ABCC12: variants seen among roughly 807,000 people sequenced by gnomAD.
ABCC12 encodes the protein ATP-binding cassette sub-family C member 12.
ABCC12 carries 142 observed loss-of-function variants against 151.1 expected under a neutral mutation model. The observed-to-expected ratio is 0.94, with a 90% CI of 0.82 to 1.08. ABCC12 has a LOEUF of 1.08. ABCC12 is among the 50% of genes least tolerant of loss of function. The pLI, the probability that ABCC12 is intolerant of heterozygous loss-of-function variation, is 0.00. For missense variants in ABCC12, 1,638 were observed against 1,691.1 expected (o/e 0.97, Z 0.55); for synonymous variants, 645 against 646.4 (o/e 1.00, Z 0.03).
chr16:48,085,501 T>C, intron 29 of ABCC12, 92 bp downstream of exon 29: 1 of 1,078,220 alleles, frequency 9.3e-7, no homozygotes. Flanking sequence ...GTCTCTTTGC[T>C]GAAAGACATA....
intron 23 of ABCC12, among the ~76,000 whole-genome samples, chr16:48,098,344 C>A (rs1420758021): frequency 6.6e-6 from 1 of 152,080 alleles, no homozygotes; most frequent in Non-Finnish European, 1.5e-5. Flanking sequence ...AAAACCCTTC[C>A]ACGCTTAAAG....
Position 48,141,367 on chromosome 16 carries a change from A to G in ABCC12, c.276-14T>C, listed in dbSNP as rs1253186209. On this transcript the variant is annotated splice_polypyrimidine_tract_variant and intron_variant, in intron 4 of 30. Coordinates refer to ENST00000311303, the MANE Select transcript of ABCC12 (RefSeq NM_001393797.1). The stretch of plus-strand genomic sequence containing the variant: ...AGGACTCGAAATCTGTGATGAAAAA[A>G]CAGAAGCATAAAATGGATTGGCACT... 3.7e-6 allele frequency: 6 copies of G among 1,613,138 alleles called. No individual in the cohort carries two copies. Among genetic ancestry groups the G allele is most frequent in the East Asian group, 4.5e-5 (2 of 44,860 alleles).
Position 48,105,169 on chromosome 16 carries a change from G to C in ABCC12, c.2643C>G (p.Ser881=). 1.2e-6 allele frequency: 2 copies of C among 1,614,172 alleles called. No individual in the cohort carries two copies. The highest frequency in any genetic ancestry group is 8.5e-7 in the Non-Finnish European group (1 of 1,180,038). Residue 881 remains serine, a synonymous_variant, in exon 21 of 31, where the codon TCC becomes TCG. Transcript: ENST00000311303. ...FVFTKTTLMA[S]SSLHDTVFDK... The stretch of plus-strand genomic sequence containing the variant: ...CAAACACCGTGTCATGCAGAGAGGA[G>C]GATGCCATCAGTGTGGTCTTGGTGA...
chr16:48,115,278 G>T, intron 15 of ABCC12, 137 bp downstream of exon 15: 1 of 1,023,704 alleles, frequency 9.8e-7, no homozygotes, highest in Non-Finnish European at 1.4e-6. Context: ...AATCATGAGT[G>T]TCTCTTGCAT....
intron 9 of ABCC12, among the ~76,000 whole-genome samples, chr16:48,131,593 C>G (rs946961339): frequency 6.6e-6 from 1 of 152,224 alleles, no homozygotes; most frequent in Non-Finnish European, 1.5e-5. Flanking sequence ...TCAATGAAAA[C>G]AAGCCTTCTC....
chr16:48,143,468 GA>G (rs1964889934), intron 4 of ABCC12, among the ~76,000 whole-genome samples: 1 of 152,200 alleles, frequency 6.6e-6, no homozygotes, highest in South Asian at 2.1e-4. Context: ...CACAACTAGG[GA>G]GCACACAAAA....
intron 4 of ABCC12, among the ~76,000 whole-genome samples, chr16:48,143,377 C>A (rs150594092): frequency 8.1e-4 from 124 of 152,322 alleles, no homozygotes; most frequent in East Asian, 6.8e-3. Flanking sequence ...CCAAGAAGTT[C>A]ATGCAGTCCA....
At chr16:48,110,744 AC>A (rs1963657324) in intron 18 of ABCC12, among the ~76,000 whole-genome samples, 1 of 151,768 alleles carries the variant, frequency 6.6e-6, no homozygotes, top group Non-Finnish European at 1.5e-5. Flanking sequence ...TCCGAAGGCC[AC>A]CCCCTCTGTG....
intron 23 of ABCC12, among the ~76,000 whole-genome samples, chr16:48,099,349 A>G (rs1419347504): frequency 2.0e-5 from 3 of 152,310 alleles, no homozygotes; most frequent in Admixed American, 1.3e-4. Flanking sequence ...ATGAGCCGAG[A>G]TGATGCCATT....
intron 23 of ABCC12, among the ~76,000 whole-genome samples, chr16:48,098,452 G>GA (rs1208302225): frequency 2.0e-5 from 3 of 152,188 alleles, no homozygotes; most frequent in African/African-American, 7.2e-5. Context: ...GTTCTGCCTG[G>GA]AAGCCCCTCT....
At chr16:48,137,891 T>G (rs919238491) in intron 8 of ABCC12, among the ~76,000 whole-genome samples, 1 of 152,180 alleles carries the variant, frequency 6.6e-6, no homozygotes, top group Admixed American at 6.5e-5. Flanking sequence ...TGTGTGTAGA[T>G]GTCTTCTAAG....
At chr16:48,107,077 A>C (rs1449212457) in intron 20 of ABCC12, among the ~76,000 whole-genome samples, 1 of 152,226 alleles carries the variant, frequency 6.6e-6, no homozygotes, top group Non-Finnish European at 1.5e-5. Context: ...GCTGGGGCAC[A>C]GTCTTCTTTA....
At chr16:48,122,716 G>T (rs1045344754) in intron 12 of ABCC12, among the ~76,000 whole-genome samples, 8 of 152,198 alleles carry the variant, frequency 5.3e-5, no homozygotes, top group African/African-American at 1.9e-4. Context: ...ATTCAATTTG[G>T]AGAAGAGACC....
intron 24 of ABCC12, among the ~76,000 whole-genome samples, chr16:48,092,931 C>T (rs1205080955): frequency 2.6e-5 from 4 of 152,152 alleles, no homozygotes; most frequent in South Asian, 2.1e-4. Flanking sequence ...AGGCGCGTGA[C>T]GTGGAGAACG....
chr16:48,096,541 C>A (rs1429223886), intron 24 of ABCC12, among the ~76,000 whole-genome samples: 1 of 152,198 alleles, frequency 6.6e-6, no homozygotes, highest in African/African-American at 2.4e-5. Flanking sequence ...CATCACAGGG[C>A]ATGGGCAAAG....
At chr16:48,088,501 A>G in intron 26 of ABCC12, 44 bp downstream of exon 26, 1 of 1,587,732 alleles carries the variant, frequency 6.3e-7, no homozygotes, top group South Asian at 1.2e-5. Context: ...GTGGAAATCC[A>G]AAGAAAACAA....
intron 5 of ABCC12, 52 bp downstream of exon 5, chr16:48,141,154 C>T: frequency 6.3e-7 from 1 of 1,595,836 alleles, no homozygotes; most frequent in Admixed American, 1.7e-5. Context: ...TAATGACATT[C>T]TTTGCTAGGC....
intron 15 of ABCC12, 132 bp downstream of exon 15, chr16:48,115,283 T>G: frequency 5.6e-6 from 6 of 1,079,394 alleles, no homozygotes; most frequent in Non-Finnish European, 8.1e-6. Flanking sequence ...TGAGTGTCTC[T>G]TGCATCCCTG....
chr16:48,137,439 C>T (rs372615764), intron 8 of ABCC12, among the ~76,000 whole-genome samples: 21 of 152,294 alleles, frequency 1.4e-4, no homozygotes, highest in Middle Eastern at 3.4e-3. Context: ...CTGAAGTGAA[C>T]TCAGAGTGTG....
Sources: allele counts gnomAD v4.1 joint callset (sites outside exome capture counted in the v4.1 genomes callset), GRCh38; gene constraint gnomAD v4.1.1; transcripts MANE v1.5; gene names NCBI Gene and HGNC (gene_info 2026-07-23, HGNC 2026-07-21).